Variants in CHCHD6 observed in about 807,000 individuals in gnomAD.
CHCHD6 encodes the protein MICOS complex subunit MIC25.
A neutral mutation model predicts 32.3 loss-of-function variants in CHCHD6; 28 were observed. The ratio of observed to expected loss-of-function variants is 0.87; its 90% CI spans 0.64 to 1.19. The LOEUF (loss-of-function observed/expected upper bound fraction) is 1.19, where lower values mean the gene tolerates loss of function less well. Ranked by LOEUF, CHCHD6 falls within the 50% of genes most tolerant of loss-of-function variation. The probability of loss-of-function intolerance (pLI) is 0.00; values close to 1 mark genes in which losing one functional copy is unlikely to be tolerated. For synonymous variants in CHCHD6, 122 were observed against 117.5 expected, an observed-to-expected ratio of 1.04 and a Z score of -0.25; for missense variants, 333 against 307.0, an observed-to-expected ratio of 1.08 and a Z score of -0.63.
intron 4 of CHCHD6, among the ~76,000 whole-genome samples, chr3:126,743,632 A>G (rs1255710564): frequency 2.6e-5 from 4 of 152,174 alleles, no homozygotes; most frequent in Non-Finnish European, 4.4e-5. Flanking sequence ...TTGAGGGTCC[A>G]GGCTGCCGAC....
At chr3:126,791,241 G>A (rs1007908179) in intron 4 of CHCHD6, among the ~76,000 whole-genome samples, 1 of 152,374 alleles carries the variant, frequency 6.6e-6, no homozygotes, top group Middle Eastern at 3.4e-3. Flanking sequence ...CTATTGGGGG[G>A]TGCCTCCCAG....
intron 4 of CHCHD6, among the ~76,000 whole-genome samples, chr3:126,831,376 A>G (rs976591209): frequency 1.3e-5 from 2 of 152,022 alleles, no homozygotes; most frequent in African/African-American, 2.4e-5. Context: ...GCCTCACTCA[A>G]TCCTTCTAAG....
intron 6 of CHCHD6, among the ~76,000 whole-genome samples, chr3:126,924,394 A>AAT (rs1226631757): frequency 2.0e-5 from 3 of 152,198 alleles, no homozygotes; most frequent in South Asian, 2.1e-4. Flanking sequence ...TGTTTATTTA[A>AAT]ATATATATAT....
intron 1 of CHCHD6, among the ~76,000 whole-genome samples, chr3:126,715,513 C>T (rs1934966560): frequency 6.6e-6 from 1 of 152,012 alleles, no homozygotes; most frequent in South Asian, 2.1e-4. Context: ...TACATTCTTA[C>T]CTGGCCTGCC....
intron 5 of CHCHD6, among the ~76,000 whole-genome samples, chr3:126,875,155 C>T (rs1360960176): frequency 6.6e-6 from 1 of 152,222 alleles, no homozygotes; most frequent in Non-Finnish European, 1.5e-5. Flanking sequence ...GTGACTCTTG[C>T]CTTAATCTGA....
chr3:126,821,867 A>G (rs1275933893), intron 4 of CHCHD6, among the ~76,000 whole-genome samples: 1 of 152,138 alleles, frequency 6.6e-6, no homozygotes, highest in Non-Finnish European at 1.5e-5. Flanking sequence ...CCATTTATAT[A>G]TCTTCTTTGA....
chr3:126,756,146 G>A (rs770466513), intron 4 of CHCHD6, among the ~76,000 whole-genome samples: 5 of 152,050 alleles, frequency 3.3e-5, no homozygotes, highest in Non-Finnish European at 7.4e-5. Context: ...GTTTCCCACT[G>A]TGGTCGTGAT....
intron 4 of CHCHD6, among the ~76,000 whole-genome samples, chr3:126,788,773 C>T (rs1011341714): frequency 3.5e-4 from 54 of 152,116 alleles, no homozygotes; most frequent in Non-Finnish European, 6.5e-4. Context: ...AAACAACCAG[C>T]TCCTGGATTC....
At chr3:126,777,337 T>C (rs551894359) in intron 4 of CHCHD6, among the ~76,000 whole-genome samples, 13 of 152,192 alleles carry the variant, frequency 8.5e-5, no homozygotes, top group Non-Finnish European at 1.8e-4. Flanking sequence ...CACTCAGTTT[T>C]TTTCTTCTAC....
intron 5 of CHCHD6, among the ~76,000 whole-genome samples, chr3:126,885,372 C>G (rs186067794): frequency 6.6e-6 from 1 of 152,282 alleles, no homozygotes; most frequent in African/African-American, 2.4e-5. Flanking sequence ...TGTCCTGGCC[C>G]AACTCCGCTT....
At chr3:126,854,799 C>T (rs1941601063) in intron 5 of CHCHD6, 2 of 152,456 alleles carry the variant, frequency 1.3e-5, no homozygotes, top group Non-Finnish European at 2.9e-5. Context: ...GCTCAGAGTA[C>T]AGTCCCGGGT....
chr3:126,846,998 C>T (rs1941317275), intron 4 of CHCHD6, among the ~76,000 whole-genome samples: 1 of 152,176 alleles, frequency 6.6e-6, no homozygotes, highest in African/African-American at 2.4e-5. Flanking sequence ...TTCTAAGTAG[C>T]AAGTCGTTAG....
chr3:126,938,373 C>T (rs1275977348), intron 6 of CHCHD6, among the ~76,000 whole-genome samples: 1 of 152,210 alleles, frequency 6.6e-6, no homozygotes, highest in Non-Finnish European at 1.5e-5. Flanking sequence ...GTCTTCTCAG[C>T]TGTAAGATGG....
chr3:126,893,468 G>C (rs948224546), intron 5 of CHCHD6, among the ~76,000 whole-genome samples: 12 of 152,316 alleles, frequency 7.9e-5, no homozygotes, highest in African/African-American at 2.9e-4. Flanking sequence ...CCTTGAATGA[G>C]GTCAAGACAG....
At chr3:126,916,817 G>A (rs2078178193) in intron 6 of CHCHD6, among the ~76,000 whole-genome samples, 1 of 152,256 alleles carries the variant, frequency 6.6e-6, no homozygotes, top group African/African-American at 2.4e-5. Context: ...CAGCATGGAT[G>A]TGATCCCCGG....
chr3:126,811,465 A>G (rs1939650408), intron 4 of CHCHD6, among the ~76,000 whole-genome samples: 1 of 152,220 alleles, frequency 6.6e-6, no homozygotes, highest in Non-Finnish European at 1.5e-5. Flanking sequence ...ATGTTTGCTA[A>G]TCAAACAGAA....
intron 5 of CHCHD6, among the ~76,000 whole-genome samples, chr3:126,888,041 CT>C (rs2077702610): frequency 6.6e-6 from 1 of 152,204 alleles, no homozygotes; most frequent in Non-Finnish European, 1.5e-5. Context: ...GAGCGGGGGG[CT>C]GCTGAGGGGC....
At chr3:126,877,154 T>A (rs1418891794) in intron 5 of CHCHD6, among the ~76,000 whole-genome samples, 1 of 152,214 alleles carries the variant, frequency 6.6e-6, no homozygotes, top group Non-Finnish European at 1.5e-5. Flanking sequence ...CAGGACCTAA[T>A]GGAATTGTTA....
intron 5 of CHCHD6, among the ~76,000 whole-genome samples, chr3:126,903,519 C>A (rs2077961005): frequency 6.6e-6 from 1 of 152,216 alleles, no homozygotes; most frequent in Admixed American, 6.5e-5. Flanking sequence ...TAGAATTAAA[C>A]TTCATGTCCC....
Sources: gnomAD v4.1 joint callset for allele counts (sites outside exome capture counted in the v4.1 genomes callset) on GRCh38, gnomAD v4.1.1 for gene constraint, MANE v1.5 for transcripts, NCBI Gene and HGNC (gene_info 2026-07-23, HGNC 2026-07-21) for gene names.